The following PLCG2 variants were observed in gnomAD, a reference collection of about 807,000 sequenced individuals.
The protein encoded by PLCG2 is 1-phosphatidylinositol 4,5-bisphosphate phosphodiesterase gamma-2.
Under a neutral mutation model 175.6 loss-of-function variants are expected in PLCG2, and 69 were observed. That is an observed-to-expected ratio of 0.39 (90% CI 0.32 to 0.48). The LOEUF is 0.48. Ranked by LOEUF, PLCG2 falls within the 20% of genes least tolerant of loss-of-function variation. The pLI, the probability that PLCG2 is intolerant of heterozygous loss-of-function variation, is 0.91. For synonymous variants in PLCG2, 827 were observed against 624.0 expected (o/e 1.33, Z -4.85); for missense variants, 1,798 against 1,650.9 (o/e 1.09, Z -1.54).
chr16:81,892,575 T>A (rs1341511400), intron 11 of PLCG2, among the ~76,000 whole-genome samples: 1 of 152,146 alleles, frequency 6.6e-6, no homozygotes, highest in Non-Finnish European at 1.5e-5. Context: ...TTCCCCACCA[T>A]GCCCATCATT....
Position 81,928,531 on chromosome 16 carries a change from C to A in PLCG2, c.2515-27C>A. 4.1e-6 allele frequency: 6 copies of A among 1,460,102 alleles called. 1 individual carries two copies. The highest frequency in any genetic ancestry group is 3.5e-4 in the Middle Eastern group (2 of 5,772). The allele number at this position is 1,460,102 out of a possible 1,614,324, so 90.4% of individuals were successfully genotyped here. On this transcript the variant is annotated intron_variant, in intron 23 of 32. Transcript: ENST00000564138. Reference sequence around the variant, plus strand: ...TTTTTATTATTCCCGTTACAACTAACGTGAGTTATGTCTTGTTTCTTCACA... The same window carrying A: ...TTTTTATTATTCCCGTTACAACTAAAGTGAGTTATGTCTTGTTTCTTCACA...
At chr16:81,902,746 C>T (rs2047213195) in intron 14 of PLCG2, among the ~76,000 whole-genome samples, 1 of 152,114 alleles carries the variant, frequency 6.6e-6, no homozygotes, top group African/African-American at 2.4e-5. Context: ...AAGACATACC[C>T]AAGACTGGGT....
intron 14 of PLCG2, among the ~76,000 whole-genome samples, chr16:81,904,116 G>C (rs1232508648): frequency 6.6e-6 from 1 of 152,134 alleles, no homozygotes; most frequent in African/African-American, 2.4e-5. Flanking sequence ...ATTATTCAAG[G>C]CCAAGGTGGT....
intron 2 of PLCG2, among the ~76,000 whole-genome samples, chr16:81,808,612 G>A (rs1904292940): frequency 6.6e-6 from 1 of 152,094 alleles, no homozygotes; most frequent in Non-Finnish European, 1.5e-5. Flanking sequence ...TCCTGTCTCA[G>A]CCTCCTGAGT....
At chr16:81,809,105 C>G (rs903714312) in intron 2 of PLCG2, among the ~76,000 whole-genome samples, 2 of 152,190 alleles carry the variant, frequency 1.3e-5, no homozygotes, top group African/African-American at 4.8e-5. Flanking sequence ...CCTGGTCTCT[C>G]TGAGCATGGT....
At chr16:81,869,322 G>A (rs763930840) in intron 6 of PLCG2, 24 bp downstream of exon 6, 1 of 1,506,302 alleles carries the variant, frequency 6.6e-7, no homozygotes, top group Non-Finnish European at 9.2e-7. Context: ...CTCAGCCTGG[G>A]AATTTTATGA....
intron 9 of PLCG2, among the ~76,000 whole-genome samples, chr16:81,886,089 C>T (rs113870293): frequency 4.6e-5 from 7 of 152,288 alleles, no homozygotes; most frequent in Admixed American, 2.6e-4. Context: ...TAGTAGGGAA[C>T]GATTAAAGTT....
In PLCG2 at chr16:81,910,719, C is replaced by G. The variant is rs1172659699; in HGVS notation, c.1933C>G (p.Pro645Ala). The stretch of plus-strand genomic sequence containing the variant: ...CAACCCCAACCCCCACGAGTCCAAG[C>G]CGTACGTGTCTGAGGGTGGAGCAGG... ...VPNPNPHESKPWYYDSLSRGE... is the reference protein window; with the variant it reads ...VPNPNPHESKAWYYDSLSRGE... Residue 645 changes from proline to alanine, a missense_variant and splice_region_variant, in exon 18 of 33, where the codon CCG becomes GCG. Pro to Ala is a conservative substitution (Grantham distance 27). Coordinates refer to ENST00000564138, the MANE Select transcript of PLCG2 (RefSeq NM_002661.5). 1 of 1,607,122 alleles carries G rather than the reference C, an allele frequency of 6.2e-7. No individual in the cohort carries two copies. Among genetic ancestry groups the G allele is most frequent in the East Asian group, 2.2e-5 (1 of 44,864 alleles).
chr16:81,839,500 C>G (rs961732969), intron 2 of PLCG2, among the ~76,000 whole-genome samples: 2 of 151,956 alleles, frequency 1.3e-5, no homozygotes, highest in African/African-American at 4.8e-5. Flanking sequence ...CCTTTATTGC[C>G]TTAATAATTT....
rs1011838129 is a variant in PLCG2, at chr16:81,940,247, CAG to C, written c.3481+189_3481+190del. ...CACACAGGTGGGAGGAAGTGGGTGA[CAG>C]GGGAGGCTATGCCCCTCAAAGTGGG... On this transcript the variant is annotated intron_variant, in intron 30 of 32. Coordinates refer to ENST00000564138, the MANE Select transcript of PLCG2 (RefSeq NM_002661.5). 3.9e-5 allele frequency among the ~76,000 whole-genome samples: 6 copies of C among 152,106 alleles called. No individual in the cohort carries two copies. In the South Asian group the frequency reaches 6.2e-4, roughly 16 times the overall value.
At chr16:81,932,073 A>G (rs1270671308) in intron 25 of PLCG2, among the ~76,000 whole-genome samples, 1 of 152,208 alleles carries the variant, frequency 6.6e-6, no homozygotes, top group Non-Finnish European at 1.5e-5. Context: ...GGCTCTGGGA[A>G]CATAGCAAAT....
chr16:81,852,343 C>T (rs1275226313), intron 2 of PLCG2, among the ~76,000 whole-genome samples: 1 of 152,154 alleles, frequency 6.6e-6, no homozygotes, highest in Non-Finnish European at 1.5e-5. Context: ...CATTCCCTGG[C>T]CCCTGCTGTC....
intron 19 of PLCG2, among the ~76,000 whole-genome samples, chr16:81,913,093 C>G (rs925115637): frequency 6.6e-6 from 1 of 152,200 alleles, no homozygotes; most frequent in African/African-American, 2.4e-5. Flanking sequence ...CCAGGCAGCC[C>G]AGGCCTGTGA....
intron 14 of PLCG2, among the ~76,000 whole-genome samples, chr16:81,902,955 G>T (rs549520462): frequency 6.6e-6 from 1 of 152,222 alleles, no homozygotes; most frequent in East Asian, 1.9e-4. Flanking sequence ...CACGTGAAAG[G>T]CCCGCCCCCA....
At chr16:81,950,904 G>T (rs369037578) in intron 31 of PLCG2, among the ~76,000 whole-genome samples, 1 of 151,586 alleles carries the variant, frequency 6.6e-6, no homozygotes, top group Non-Finnish European at 1.5e-5. Context: ...ATAGAACAAA[G>T]GAATAAAAGA....
chr16:81,767,461 TG>T (rs1326374467), intron 2 of PLCG2: 1 of 152,200 alleles, frequency 6.6e-6, no homozygotes, highest in African/African-American at 2.4e-5. Flanking sequence ...GATACACTCT[TG>T]TCCTTTTACT....
chr16:81,947,680 C>T (rs1365654479), intron 31 of PLCG2, among the ~76,000 whole-genome samples: 3 of 152,220 alleles, frequency 2.0e-5, no homozygotes, highest in Admixed American at 2.0e-4. Context: ...TCAATAAGCA[C>T]TTTACACACC....
chr16:81,836,681 A>T (rs548698002), intron 2 of PLCG2, among the ~76,000 whole-genome samples: 1 of 152,196 alleles, frequency 6.6e-6, no homozygotes, highest in Non-Finnish European at 1.5e-5. Flanking sequence ...GCTGAGGTGC[A>T]GTGAGCTGAG....
intron 2 of PLCG2, among the ~76,000 whole-genome samples, chr16:81,838,770 T>C (rs1905658955): frequency 1.1e-5 from 1 of 87,042 alleles, no homozygotes. Flanking sequence ...GAACTTAAAG[T>C]AAAATTAAAT....
Sources: allele counts gnomAD v4.1 joint callset (sites outside exome capture counted in the v4.1 genomes callset), GRCh38; gene constraint gnomAD v4.1.1; transcripts MANE v1.5; gene names NCBI Gene and HGNC (gene_info 2026-07-23, HGNC 2026-07-21).